The following SDC1 variants were observed in gnomAD, a reference collection of about 807,000 sequenced individuals.
SDC1 encodes syndecan-1.
A neutral mutation model predicts 29.7 loss-of-function variants in SDC1; 14 were observed. The observed-to-expected ratio is 0.47, with a 90% CI of 0.31 to 0.74. SDC1 has a LOEUF of 0.74. SDC1 is among the 30% of genes least tolerant of loss of function. The pLI is 0.05. For synonymous variants in SDC1, 204 were observed against 175.5 expected (o/e 1.16, Z -1.29); for missense variants, 406 against 400.3 (o/e 1.01, Z -0.12).
rs1482097813 is a variant in SDC1 at position 20,210,564 on chromosome 2, C to T, written c.67-5140G>A. Among the ~76,000 whole-genome samples the T allele has an allele frequency of 3.3e-5, 5 of 152,228 alleles. No individual in the cohort carries two copies. The East Asian group carries it at 7.7e-4, about 23-fold the overall frequency. ...AGGGGGCCTCTGATTCGCAGTCATT[C>T]GTGGTGGAGCAGGAAAGGGAAGCTG... On this transcript the variant is annotated intron_variant, in intron 1 of 4. Coordinates refer to ENST00000254351, the MANE Select transcript of SDC1 (RefSeq NM_002997.5).
intron 2 of SDC1, 53 bp downstream of exon 2, chr2:20,205,290 C>G: frequency 7.3e-7 from 1 of 1,374,166 alleles, no homozygotes; most frequent in Non-Finnish European, 1.0e-6. Flanking sequence ...CCACTGCCCA[C>G]AGGCATGACC....
At chr2:20,219,001 T>G (rs1419230202) in intron 1 of SDC1, among the ~76,000 whole-genome samples, 1 of 152,080 alleles carries the variant, frequency 6.6e-6, no homozygotes, top group African/African-American at 2.4e-5. Context: ...GGGCTCCCAG[T>G]GGGGAGAGGA....
chr2:20,208,405 C>T (rs961941704), intron 1 of SDC1, among the ~76,000 whole-genome samples: 8 of 152,214 alleles, frequency 5.3e-5, no homozygotes, highest in Admixed American at 1.3e-4. Context: ...CCCTGGCCTC[C>T]GGGGGCCTCT....
intron 1 of SDC1, among the ~76,000 whole-genome samples, chr2:20,210,365 T>G (rs1452961638): frequency 6.6e-6 from 1 of 152,068 alleles, no homozygotes; most frequent in Non-Finnish European, 1.5e-5. Context: ...TCCCAGCTCC[T>G]CAGAACATAT....
Position 20,201,777 on chromosome 2 carries a change from G to A in SDC1, c.*989C>T, listed in dbSNP as rs1192901212. ...GCAGGACGGGCGTGGTCTGCAGGAG[G>A]ATCTCCAGGCCCCTGCCGCCCTCCC... On this transcript the variant is annotated 3_prime_UTR_variant, in exon 5 of 5. Transcript: ENST00000254351. 6.5e-6 allele frequency: 1 copy of A among 153,244 alleles called. No individual in the cohort carries two copies. Among genetic ancestry groups the A allele is most frequent in the Non-Finnish European group, 1.5e-5 (1 of 68,532 alleles). The allele number at this position is 153,244 out of a possible 1,614,324, so 9.5% of individuals were successfully genotyped here.
upstream of SDC1, chr2:20,225,227 A>G (rs1368662739): frequency 5.9e-6 from 1 of 168,520 alleles, no homozygotes; most frequent in Non-Finnish European, 1.3e-5. Context: ...CCCCTTCGGA[A>G]CGCCCCACCC....
intron 1 of SDC1, among the ~76,000 whole-genome samples, chr2:20,220,755 G>C (rs942759675): frequency 6.6e-6 from 1 of 152,232 alleles, no homozygotes; most frequent in Non-Finnish European, 1.5e-5. Flanking sequence ...TAGTGGCAGA[G>C]TTGAGACTCA....
At position 20,205,619 on chromosome 2, in the gene SDC1, TACAACACAGCC is replaced by T. The variant is rs1216984727; in HGVS notation, c.67-206_67-196del. Among the ~76,000 whole-genome samples the T allele has an allele frequency of 2.0e-5, 3 of 152,260 alleles. No individual in the cohort carries two copies. In the East Asian group the frequency reaches 5.8e-4, roughly 29 times the overall value. Reference sequence around the variant, plus strand: ...GTCCCCAGGCCCCATCCCCTGATGCTACAACACAGCCTGGTACTGGGTGCAGGGCTGCAGGG... The same window carrying T: ...GTCCCCAGGCCCCATCCCCTGATGCTTGGTACTGGGTGCAGGGCTGCAGGG... On this transcript the variant is annotated intron_variant, in intron 1 of 4. Coordinates refer to ENST00000254351, the MANE Select transcript of SDC1 (RefSeq NM_002997.5).
Position 20,204,066 on chromosome 2 carries a change from G to T in SDC1, c.374C>A (p.Pro125His), listed in dbSNP as rs985665619. 2.5e-6 allele frequency: 4 copies of T among 1,611,336 alleles called. No individual in the cohort carries two copies. Among genetic ancestry groups the T allele is most frequent in the Middle Eastern group, 1.7e-4 (1 of 6,060 alleles). The change falls in exon 3 of 5, where the codon CCC becomes CAC. Residue 125 changes from proline to histidine, a missense_variant. Coordinates refer to ENST00000254351, the MANE Select transcript of SDC1 (RefSeq NM_002997.5). ...TAREQEATPR[P>H]RETTQLPTTH... is the part of the protein sequence containing the mutation. The stretch of plus-strand genomic sequence containing the variant: ...GGTCGGGAGCTGTGTGGTCTCCCTG[G>T]GTCGGGGGGTGGCCTCCTGCTCCCG...
chr2:20,203,981 G>C lies in SDC1; in HGVS notation c.459C>G (p.Pro153=). ...GGTGGCCAGGCTGCATGTCCCTGTGGGGGTGGGAGGTGGCGGGCTCCTGGG... is the reference window on the plus strand; with the variant it reads ...GGTGGCCAGGCTGCATGTCCCTGTGCGGGTGGGAGGTGGCGGGCTCCTGGG... ...TTAQEPATSH[P]HRDMQPGHHE... Residue 153 remains proline, a synonymous_variant, in exon 3 of 5, where the codon CCC becomes CCG. Coordinates refer to ENST00000254351, the MANE Select transcript of SDC1 (RefSeq NM_002997.5). 1 of 1,614,016 alleles carries C rather than the reference G, an allele frequency of 6.2e-7. No homozygotes were observed. The highest frequency in any genetic ancestry group is 1.1e-5 in the South Asian group (1 of 91,072).
chr2:20,211,974 G>A (rs932461097), intron 1 of SDC1, among the ~76,000 whole-genome samples: 2 of 152,254 alleles, frequency 1.3e-5, no homozygotes, highest in Non-Finnish European at 2.9e-5. Flanking sequence ...GCTGGAATCC[G>A]CCATGCGGCT....
At chr2:20,209,215 C>A (rs370886594) in intron 1 of SDC1, among the ~76,000 whole-genome samples, 32 of 152,150 alleles carry the variant, frequency 2.1e-4, no homozygotes, top group African/African-American at 5.6e-4. Context: ...CACTTTCCAC[C>A]CATTCCTCTT....
chr2:20,216,222 T>C (rs1677622014), intron 1 of SDC1, among the ~76,000 whole-genome samples: 1 of 152,040 alleles, frequency 6.6e-6, no homozygotes, highest in South Asian at 2.1e-4. Flanking sequence ...AGGCCCCAAG[T>C]CCCTTTCAGG....
At chr2:20,216,241 T>TG (rs1416902259) in intron 1 of SDC1, among the ~76,000 whole-genome samples, 8 of 152,050 alleles carry the variant, frequency 5.3e-5, no homozygotes, top group Admixed American at 6.5e-5. Context: ...GGGAGGAAGG[T>TG]GGGGGGCAGG....
chr2:20,202,667 G>T lies in SDC1; in HGVS notation c.*99C>A. 1 of 1,187,026 alleles carries T rather than the reference G, an allele frequency of 8.4e-7. No individual in the cohort carries two copies. Among genetic ancestry groups the T allele is most frequent in the Non-Finnish European group, 1.2e-6 (1 of 835,710 alleles). The allele number at this position is 1,187,026 out of a possible 1,614,324, so 73.5% of individuals were successfully genotyped here. ...AGAGGGGCTGGAATGCTGGGGAGGT[G>T]GCCTGGTGGCAGGGGAGGCCAGGGC... On this transcript the variant is annotated 3_prime_UTR_variant, in exon 5 of 5. Coordinates refer to ENST00000254351, the MANE Select transcript of SDC1 (RefSeq NM_002997.5).
Position 20,204,154 on chromosome 2 carries a change from C to T in SDC1, c.286G>A (p.Gly96Arg), listed in dbSNP as rs752100304. The change falls in exon 3 of 5, where the codon GGA becomes AGA. Residue 96 changes from glycine (G) to arginine (R), a missense_variant. Transcript: ENST00000254351. ...TAASTSTLPAGEGPKEGEAVV... is the reference protein window; with the variant it reads ...TAASTSTLPAREGPKEGEAVV... ...GCCTCTCCCTCCTTGGGCCCCTCTC[C>T]AGCCGGCAGGGTGGAGGTGGAGGCA... 11 of 1,602,002 alleles carry T rather than the reference C, an allele frequency of 6.9e-6. No individual in the cohort carries two copies. In the South Asian group the frequency reaches 1.2e-4, roughly 18 times the overall value.
At position 20,203,170 on chromosome 2, in the gene SDC1, G is replaced by C; in HGVS notation, c.680C>G (p.Pro227Arg). 6.2e-7 allele frequency: 1 copy of C among 1,613,060 alleles called. No homozygotes were observed. Among genetic ancestry groups the C allele is most frequent in the Non-Finnish European group, 8.5e-7 (1 of 1,179,636 alleles). The change falls in exon 4 of 5, where the codon CCT (proline) becomes CGT (arginine). Residue 227 changes from proline to arginine, a missense_variant. Coordinates refer to ENST00000254351, the MANE Select transcript of SDC1 (RefSeq NM_002997.5). ...GENTAVVAVE[P>R]DRRNQSPVDQ... Reference sequence around the variant, plus strand: ...CACTGGGGACTGGTTCCGGCGGTCAGGCTCCACGGCCACTACAGCCGTATT... The same window carrying C: ...CACTGGGGACTGGTTCCGGCGGTCACGCTCCACGGCCACTACAGCCGTATT...
In SDC1 at chr2:20,204,085, G is replaced by C; in HGVS notation, c.355C>G (p.Gln119Glu). 1 of 1,610,108 alleles carries C rather than the reference G, an allele frequency of 6.2e-7. No homozygotes were observed. Among genetic ancestry groups the C allele is most frequent in the Non-Finnish European group, 8.5e-7 (1 of 1,179,890 alleles). ...EVEPGLTAREQEATPRPRETT... is the reference protein window; with the variant it reads ...EVEPGLTAREEEATPRPRETT... ...TCCCTGGGTCGGGGGGTGGCCTCCT[G>C]CTCCCGGGCGGTGAGGCCAGGCTCC... Residue 119 changes from glutamine to glutamate, a missense_variant, in exon 3 of 5, where the codon CAG (glutamine) becomes GAG (glutamate). Coordinates refer to ENST00000254351, the MANE Select transcript of SDC1 (RefSeq NM_002997.5).
At chr2:20,207,484 A>G (rs1677316014) in intron 1 of SDC1, 17 of 732,030 alleles carry the variant, frequency 2.3e-5, no homozygotes, top group Non-Finnish European at 2.8e-5. Context: ...TGGGAGGATC[A>G]CTTGAGCTCA....
Sources: gnomAD v4.1 joint callset for allele counts (sites outside exome capture counted in the v4.1 genomes callset) on GRCh38, gnomAD v4.1.1 for gene constraint, MANE v1.5 for transcripts, NCBI Gene and HGNC (gene_info 2026-07-23, HGNC 2026-07-21) for gene names.